SYNE1: variants seen among roughly 807,000 people sequenced by gnomAD.
SYNE1 encodes spectrin repeat containing nuclear envelope protein 1.
In SYNE1, 616 loss-of-function variants were observed where a neutral mutation model predicts 1,111.0. That is an observed-to-expected ratio of 0.55 (90% CI 0.52 to 0.59). The LOEUF is 0.59. Among genes scored for constraint, SYNE1 ranks in the 20% least tolerant of loss-of-function variants. The pLI, the probability that SYNE1 is intolerant of heterozygous loss-of-function variation, is 0.00. For missense variants in SYNE1, 10,006 were observed against 10,417.0 expected (o/e 0.96, Z 1.72); for synonymous variants, 3,855 against 3,825.8 (o/e 1.01, Z -0.28).
chr6:152,619,594 A>T (rs993098288), intron 3 of SYNE1, among the ~76,000 whole-genome samples: 2 of 152,196 alleles, frequency 1.3e-5, no homozygotes, highest in Non-Finnish European at 2.9e-5. Flanking sequence ...CTCCATAAAG[A>T]ACTTCCCCAA....
intron 3 of SYNE1, among the ~76,000 whole-genome samples, chr6:152,613,140 C>A (rs57427094): frequency 0.01 from 1,570 of 152,278 alleles, 24 homozygotes; most frequent in African/African-American, 0.036. Context: ...GTTGGAAGTT[C>A]TGGCCAGGGC....
intron 81 of SYNE1, among the ~76,000 whole-genome samples, chr6:152,324,556 G>A (rs1590084332): frequency 1.3e-5 from 2 of 152,320 alleles, no homozygotes; most frequent in South Asian, 4.1e-4. Context: ...CACTTGGCGG[G>A]GGCTGAGGCG....
rs759592176 is a variant in SYNE1 at position 152,189,342 on chromosome 6, G to A, written c.23211C>T (p.Thr7737=). 8 of 1,613,874 alleles carry A rather than the reference G, an allele frequency of 5.0e-6. No individual in the cohort carries two copies. The African/African-American group carries it at 8.0e-5, about 16-fold the overall frequency. ...DLTQLSLLKD[T]LSAYISADDI... is the part of the protein sequence containing the mutation. ...CATCAGCACTGATATAGGCAGAGAG[G>A]GTGTCCTTCAGCAGGCTCAACTGGG... The change falls in exon 128 of 146, where the codon ACC becomes ACT. Residue 7737 remains threonine, a synonymous_variant. Transcript: ENST00000367255.
chr6:152,215,418 A>G (rs931479598), intron 121 of SYNE1, among the ~76,000 whole-genome samples: 1 of 152,042 alleles, frequency 6.6e-6, no homozygotes, highest in Admixed American at 6.5e-5. Flanking sequence ...GATTTTTATT[A>G]CGTGTATTAT....
rs114734891 is a variant in SYNE1, at chr6:152,508,853, C to A, written c.581+1340G>T. ...GAAAACATAGCCCAAATTAGAAAAC[C>A]AGCAACACACTTTAAAAGTTAAACA... On this transcript the variant is annotated intron_variant, in intron 8 of 145. Coordinates refer to ENST00000367255, the MANE Select transcript of SYNE1 (RefSeq NM_182961.4). 3.5e-3 allele frequency among the ~76,000 whole-genome samples: 540 copies of A among 152,282 alleles called. 3 individuals carry two copies. The highest frequency in any genetic ancestry group is 0.012 in the African/African-American group (494 of 41,560).
chr6:152,465,874 T>A (rs1462603527), intron 17 of SYNE1, 108 bp downstream of exon 17: 1 of 815,022 alleles, frequency 1.2e-6, no homozygotes, highest in Non-Finnish European at 2.1e-6. Flanking sequence ...AATGGCAAGG[T>A]CACTCAAAAA....
chr6:152,563,624 T>A (rs891514964), intron 3 of SYNE1, among the ~76,000 whole-genome samples: 4 of 152,118 alleles, frequency 2.6e-5, no homozygotes, highest in African/African-American at 9.7e-5. Flanking sequence ...CTGGAAAAAA[T>A]TTTAAAAATC....
intron 59 of SYNE1, among the ~76,000 whole-genome samples, chr6:152,371,025 C>A (rs1216209363): frequency 1.3e-5 from 2 of 152,172 alleles, no homozygotes; most frequent in Non-Finnish European, 2.9e-5. Flanking sequence ...TCTGCTATAG[C>A]CCCAGAGCCT....
At chr6:152,444,354 T>G in intron 30 of SYNE1, 57 bp downstream of exon 30, 1 of 1,583,998 alleles carries the variant, frequency 6.3e-7, no homozygotes, top group Non-Finnish European at 8.7e-7. Context: ...TCTCTCTGGT[T>G]CTTTCAGTAG....
chr6:152,155,136 C>T, intron 132 of SYNE1, 94 bp from the exon 133 acceptor site: 1 of 1,500,364 alleles, frequency 6.7e-7, no homozygotes, highest in Non-Finnish European at 9.2e-7. Flanking sequence ...TAAGGGTGCC[C>T]ACAGAGGCAA....
intron 130 of SYNE1, among the ~76,000 whole-genome samples, chr6:152,173,246 G>A (rs2065634699): frequency 6.6e-6 from 1 of 152,186 alleles, no homozygotes; most frequent in African/African-American, 2.4e-5. Context: ...TTTTATGTAT[G>A]TAATAGATTT....
chr6:152,350,454 C>T, intron 71 of SYNE1, 119 bp from the exon 72 acceptor site: 3 of 1,507,774 alleles, frequency 2.0e-6, no homozygotes, highest in Middle Eastern at 3.4e-4. Flanking sequence ...AGAAAACTAC[C>T]AGGAATGGAA....
intron 63 of SYNE1, among the ~76,000 whole-genome samples, chr6:152,363,222 C>T (rs1215652666): frequency 8.1e-4 from 113 of 140,308 alleles, no homozygotes; most frequent in African/African-American, 1.7e-3. Flanking sequence ...AGGCCGGGCG[C>T]GGTGACTCAC....
In SYNE1 at chr6:152,236,721, A is replaced by G. The variant is rs1280255195; in HGVS notation, c.20199+96T>C. ...ATGTCAATAACTTGAAAGAAAAGTA[A>G]AAGTACTAATAAAATAATTGATCAC... On this transcript the variant is annotated intron_variant, in intron 109 of 145. Transcript: ENST00000367255. 3.3e-5 allele frequency: 47 copies of G among 1,421,726 alleles called. No individual in the cohort carries two copies. The East Asian group carries it at 1.1e-3, about 32-fold the overall frequency. The allele number at this position is 1,421,726 out of a possible 1,614,324, so 88.1% of individuals were successfully genotyped here. A position where few individuals can be genotyped will look rare whatever the true frequency, so the allele number is the denominator to read the frequency against.
chr6:152,413,915 T>C (rs1489472052), intron 41 of SYNE1, among the ~76,000 whole-genome samples: 1 of 151,992 alleles, frequency 6.6e-6, no homozygotes, highest in Non-Finnish European at 1.5e-5. Context: ...GTTCAATCCA[T>C]GTAAATAATA....
chr6:152,487,524 T>C (rs2098947250), intron 12 of SYNE1, among the ~76,000 whole-genome samples: 1 of 152,184 alleles, frequency 6.6e-6, no homozygotes, highest in Non-Finnish European at 1.5e-5. Context: ...CTGTGTTTTG[T>C]GTCTTGGAAG....
rs758841233 is a variant in SYNE1 at position 152,407,017 on chromosome 6, A to G, written c.6720T>C (p.Phe2240=). 24 of 1,613,548 alleles carry G rather than the reference A, an allele frequency of 1.5e-5. No individual in the cohort carries two copies. The Admixed American group carries it at 4.0e-4, about 27-fold the overall frequency. The change falls in exon 45 of 146, where the codon TTT becomes TTC. Residue 2240 remains phenylalanine (F), a synonymous_variant. Transcript: ENST00000367255. ...TATGTCAACACAGTCAATTTACCTC[A>G]AATTCTTTAAGCAGTTCTTCAGCTC... ...HLRAEELLKE[F]ESEVKNKALR...
At chr6:152,355,141 G>A (rs891179924) in intron 66 of SYNE1, among the ~76,000 whole-genome samples, 165 bp from the exon 67 acceptor site, 2 of 151,954 alleles carry the variant, frequency 1.3e-5, no homozygotes, top group Admixed American at 1.3e-4. Flanking sequence ...TATTTTCTCC[G>A]AAGTCAGAAG....
In SYNE1 at chr6:152,136,703, G is replaced by A. The variant is rs1213196055; in HGVS notation, c.25574C>T (p.Ser8525Leu). 5 of 1,614,204 alleles carry A rather than the reference G, an allele frequency of 3.1e-6. No homozygotes were observed. The highest frequency in any genetic ancestry group is 4.2e-6 in the Non-Finnish European group (5 of 1,180,042). Residue 8525 changes from serine to leucine, a missense_variant, in exon 141 of 146, where the codon TCG becomes TTG. By Grantham distance (145) the Ser-to-Leu change is moderately radical. This residue lies in a region of SYNE1 where 761 missense variants were observed against 795.5 expected (regional missense o/e 0.96). Coordinates refer to ENST00000367255, the MANE Select transcript of SYNE1 (RefSeq NM_182961.4). ...TCGGTCCCAGCGCCCATTCATCTGC[G>A]ACAAGCGATCCTGCAGGTCCCGGCT... is the stretch of plus-strand genomic sequence containing the variant. The part of the protein sequence containing the change: ...KESRDLQDRL[S>L]QMNGRWDRVC...
Sources: gnomAD v4.1 joint callset for allele counts (sites outside exome capture counted in the v4.1 genomes callset) on GRCh38, gnomAD v4.1.1 for gene constraint, gnomAD v4.1.1 regional missense constraint, MANE v1.5 for transcripts, NCBI Gene and HGNC (gene_info 2026-07-23, HGNC 2026-07-21) for gene names.